SDCCAG8: variants seen among roughly 807,000 people sequenced by gnomAD.
SDCCAG8 encodes serologically defined colon cancer antigen 8.
In SDCCAG8, 74 loss-of-function variants were observed where a neutral mutation model predicts 101.8. The ratio of observed to expected loss-of-function variants is 0.73; its 90% CI spans 0.60 to 0.88. The LOEUF (loss-of-function observed/expected upper bound fraction) is 0.88, where lower values mean the gene tolerates loss of function less well. Among genes scored for constraint, SDCCAG8 ranks in the 40% least tolerant of loss-of-function variants. The probability of loss-of-function intolerance (pLI) is 0.00; values close to 1 mark genes in which losing one functional copy is unlikely to be tolerated. For synonymous variants in SDCCAG8, 281 were observed against 292.9 expected, an observed-to-expected ratio of 0.96 and a Z score of 0.41; for missense variants, 787 against 822.6, an observed-to-expected ratio of 0.96 and a Z score of 0.53.
intron 6 of SDCCAG8, among the ~76,000 whole-genome samples, chr1:243,296,291 C>T (rs1187514313): frequency 1.3e-5 from 2 of 152,110 alleles, no homozygotes; most frequent in South Asian, 2.1e-4. Context: ...CCACTGCACC[C>T]GGCCAATAGT....
chr1:243,394,707 A>ACGTC (rs1161142963), intron 13 of SDCCAG8, among the ~76,000 whole-genome samples: 2 of 152,196 alleles, frequency 1.3e-5, no homozygotes, highest in Non-Finnish European at 2.9e-5. Flanking sequence ...CTTCCATCCT[A>ACGTC]CGTCCATATG....
At chr1:243,420,002 A>C (rs2080877715) in intron 15 of SDCCAG8, among the ~76,000 whole-genome samples, 1 of 152,228 alleles carries the variant, frequency 6.6e-6, no homozygotes, top group Non-Finnish European at 1.5e-5. Flanking sequence ...ATTCTTTTGT[A>C]TCTGACATAG....
At chr1:243,304,378 A>T (rs2071865260) in intron 6 of SDCCAG8, among the ~76,000 whole-genome samples, 1 of 152,250 alleles carries the variant, frequency 6.6e-6, no homozygotes, top group African/African-American at 2.4e-5. Context: ...TTCAACAGCC[A>T]CAATGAAGGA....
At chr1:243,330,920 A>G (rs1337521650) in intron 10 of SDCCAG8, among the ~76,000 whole-genome samples, 2 of 152,232 alleles carry the variant, frequency 1.3e-5, no homozygotes, top group African/African-American at 2.4e-5. Flanking sequence ...GTTAGATTCC[A>G]TACAATGAAA....
intron 16 of SDCCAG8, among the ~76,000 whole-genome samples, chr1:243,468,689 A>G (rs1660634166): frequency 6.6e-6 from 1 of 152,242 alleles, no homozygotes; most frequent in Non-Finnish European, 1.5e-5. Flanking sequence ...CCTGTCTCTA[A>G]AAGAATTAAT....
In SDCCAG8 at chr1:243,341,122, A is replaced by G. The variant is rs1377617823; in HGVS notation, c.1305A>G (p.Gln435=). 1 of 1,614,152 alleles carries G rather than the reference A, an allele frequency of 6.2e-7. No individual in the cohort carries two copies. Among genetic ancestry groups the G allele is most frequent in the Non-Finnish European group, 8.5e-7 (1 of 1,179,968 alleles). ...VTKEKISAIN[Q]LEEIQSQLAS... Reference sequence around the variant, plus strand: ...AGGAAAAGATTTCAGCTATTAATCAACTGGAGGAAATTCAAAGCCAGCTGG... The same window carrying G: ...AGGAAAAGATTTCAGCTATTAATCAGCTGGAGGAAATTCAAAGCCAGCTGG... The change falls in exon 11 of 18, where the codon CAA becomes CAG. Residue 435 remains glutamine, a synonymous_variant. Transcript: ENST00000366541.
At chr1:243,371,996 A>G (rs998580944) in intron 12 of SDCCAG8, among the ~76,000 whole-genome samples, 1 of 152,124 alleles carries the variant, frequency 6.6e-6, no homozygotes, top group African/African-American at 2.4e-5. Flanking sequence ...ATGATTTGAC[A>G]AAATCAATCT....
intron 6 of SDCCAG8, among the ~76,000 whole-genome samples, chr1:243,299,216 C>T (rs1407762210): frequency 6.6e-6 from 1 of 152,120 alleles, no homozygotes; most frequent in Non-Finnish European, 1.5e-5. Context: ...CTCCTAATTG[C>T]TAGTGTAGAG....
chr1:243,338,075 C>T (rs1295351718), intron 10 of SDCCAG8, among the ~76,000 whole-genome samples: 4 of 151,786 alleles, frequency 2.6e-5, no homozygotes, highest in African/African-American at 9.7e-5. Flanking sequence ...CGTGTGCCAC[C>T]TTGCCTGGCT....
intron 7 of SDCCAG8, among the ~76,000 whole-genome samples, chr1:243,306,903 G>T (rs1272163110): frequency 6.6e-6 from 1 of 151,978 alleles, no homozygotes; most frequent in African/African-American, 2.4e-5. Flanking sequence ...TTGTCTGACA[G>T]CCAGGCTGTT....
chr1:243,450,704 C>T (rs2083285708), intron 16 of SDCCAG8, among the ~76,000 whole-genome samples: 1 of 152,178 alleles, frequency 6.6e-6, no homozygotes, highest in Non-Finnish European at 1.5e-5. Context: ...GTTGCCCAGG[C>T]TGGGAGTACA....
At chr1:243,424,326 A>G (rs61673710) in intron 15 of SDCCAG8, among the ~76,000 whole-genome samples, 1,700 of 152,140 alleles carry the variant, frequency 0.011, 35 homozygotes, top group African/African-American at 0.04. Context: ...AGTGACATCT[A>G]CATTTTGTTT....
chr1:243,352,789 C>T (rs957337666), intron 12 of SDCCAG8, among the ~76,000 whole-genome samples: 8 of 152,156 alleles, frequency 5.3e-5, no homozygotes, highest in African/African-American at 1.9e-4. Flanking sequence ...TGTACATATG[C>T]ATCTATAATA....
chr1:243,360,627 G>A (rs2076652812), intron 12 of SDCCAG8, among the ~76,000 whole-genome samples: 1 of 151,976 alleles, frequency 6.6e-6, no homozygotes, highest in Admixed American at 6.6e-5. Context: ...TTCAAGACCA[G>A]CCTGGCTAAA....
At chr1:243,351,435 TAAGAATACTTGCA>T (rs956687463) in intron 12 of SDCCAG8, among the ~76,000 whole-genome samples, 1 of 152,214 alleles carries the variant, frequency 6.6e-6, no homozygotes, top group African/African-American at 2.4e-5. Flanking sequence ...GAACATGCCT[TAAGAATACTTGCA>T]AAGCAGCATA....
intron 8 of SDCCAG8, among the ~76,000 whole-genome samples, chr1:243,315,181 T>C (rs1282695532): frequency 6.6e-6 from 1 of 152,236 alleles, no homozygotes; most frequent in East Asian, 1.9e-4. Context: ...GAGTGAATTT[T>C]TCTTTTCTTT....
chr1:243,488,941 A>T (rs1665698320), intron 16 of SDCCAG8, 73 bp from the exon 17 acceptor site: 2 of 1,608,166 alleles, frequency 1.2e-6, no homozygotes, highest in Admixed American at 3.3e-5. Flanking sequence ...CTTCCCTCAG[A>T]TACACACAGC....
At chr1:243,373,655 C>T (rs1373638273) in intron 12 of SDCCAG8, among the ~76,000 whole-genome samples, 5 of 152,044 alleles carry the variant, frequency 3.3e-5, no homozygotes, top group Non-Finnish European at 5.9e-5. Flanking sequence ...ATGAGCTAAA[C>T]ATAAATCTAT....
Position 243,489,563 on chromosome 1 carries a change from G to C in SDCCAG8, c.2112+423G>C, listed in dbSNP as rs1665871910. ...AGAGGTGTTCCCAATTAGCAAAGTC[G>C]TCTTGAATGGAAGGCAGGCATCTCA... On this transcript the variant is annotated intron_variant, in intron 17 of 17. Coordinates refer to ENST00000366541, the MANE Select transcript of SDCCAG8 (RefSeq NM_006642.5). Among the ~76,000 whole-genome samples the C allele has an allele frequency of 2.0e-5, 3 of 152,196 alleles. No homozygotes were observed. In the South Asian group the frequency reaches 6.2e-4, roughly 32 times the overall value.
Sources: allele counts gnomAD v4.1 joint callset (sites outside exome capture counted in the v4.1 genomes callset), GRCh38; gene constraint gnomAD v4.1.1; transcripts MANE v1.5; gene names NCBI Gene and HGNC (gene_info 2026-07-23, HGNC 2026-07-21).